GPHN: variants seen among roughly 807,000 people sequenced by gnomAD.
GPHN encodes the protein gephyrin.
GPHN carries 17 observed loss-of-function variants against 95.5 expected under a neutral mutation model. The observed-to-expected ratio is 0.18, with a 90% CI of 0.12 to 0.27. The LOEUF (loss-of-function observed/expected upper bound fraction) is 0.27. Among genes scored for constraint, GPHN ranks in the 10% least tolerant of loss-of-function variants. The probability of loss-of-function intolerance (pLI) is 1.00; values close to 1 mark genes in which losing one functional copy is unlikely to be tolerated. For synonymous variants in GPHN, 320 were observed against 322.5 expected, an observed-to-expected ratio of 0.99 and a Z score of 0.08; for missense variants, 660 against 978.1, an observed-to-expected ratio of 0.67 and a Z score of 4.34.
chr14:66,688,705 A>G (rs762083134), intron 2 of GPHN, among the ~76,000 whole-genome samples: 4 of 152,090 alleles, frequency 2.6e-5, no homozygotes, highest in Non-Finnish European at 5.9e-5. Context: ...CTCTTGCCTA[A>G]TTGTTATGAC....
At chr14:66,538,591 T>C (rs1444406580) in intron 1 of GPHN, among the ~76,000 whole-genome samples, 1 of 151,984 alleles carries the variant, frequency 6.6e-6, no homozygotes, top group Non-Finnish European at 1.5e-5. Flanking sequence ...CTCTAGGAAG[T>C]TTTATTATTT....
At chr14:66,587,860 A>T (rs957692529) in intron 1 of GPHN, among the ~76,000 whole-genome samples, 2 of 152,174 alleles carry the variant, frequency 1.3e-5, no homozygotes. Flanking sequence ...AGAGCAGCAG[A>T]TCCCCCAGCA....
intron 9 of GPHN, among the ~76,000 whole-genome samples, chr14:66,993,166 T>G (rs1307378212): frequency 6.6e-6 from 1 of 152,128 alleles, no homozygotes; most frequent in African/African-American, 2.4e-5. Flanking sequence ...GAAAGGTTGA[T>G]CTCCTCAAAT....
chr14:67,497,033 C>T, the GPHN span, among the ~76,000 whole-genome samples: 1 of 151,976 alleles, frequency 6.6e-6, no homozygotes, highest in Non-Finnish European at 1.5e-5. Context: ...CTCAGGTGAT[C>T]GGCCCGCCTC....
intron 2 of GPHN, among the ~76,000 whole-genome samples, chr14:66,740,561 C>A (rs2072714545): frequency 6.7e-6 from 1 of 149,152 alleles, no homozygotes; most frequent in South Asian, 2.1e-4. Context: ...AAAAAAAAGC[C>A]AGAAAGCTGC....
chr14:66,558,829 T>A (rs1165284951), intron 1 of GPHN, among the ~76,000 whole-genome samples: 1 of 152,022 alleles, frequency 6.6e-6, no homozygotes, highest in Non-Finnish European at 1.5e-5. Context: ...GCTGGTGTGC[T>A]GCACCCATTA....
chr14:66,694,222 C>T (rs984417139), intron 2 of GPHN, among the ~76,000 whole-genome samples: 3 of 152,080 alleles, frequency 2.0e-5, no homozygotes, highest in Non-Finnish European at 2.9e-5. Context: ...GAGACAGGCC[C>T]CTTTCCCCTA....
the GPHN span, among the ~76,000 whole-genome samples, chr14:67,563,777 A>C: frequency 7.4e-6 from 1 of 135,112 alleles, no homozygotes; most frequent in Non-Finnish European, 1.5e-5. Context: ...TCTGTCACCC[A>C]GGCTGAAGTG....
chr14:67,617,629 C>T, the GPHN span, among the ~76,000 whole-genome samples: 3 of 152,224 alleles, frequency 2.0e-5, no homozygotes, highest in Non-Finnish European at 4.4e-5. Context: ...TGGAAAACCA[C>T]TGAAAATGAC....
chr14:67,458,181 G>C, the GPHN span, among the ~76,000 whole-genome samples: 3 of 152,148 alleles, frequency 2.0e-5, no homozygotes, highest in African/African-American at 7.2e-5. Context: ...GTACTGAATG[G>C]GGGACCCATT....
chr14:67,693,126 T>C, the GPHN span: 1 of 944,766 alleles, frequency 1.1e-6, no homozygotes, highest in Non-Finnish European at 1.6e-6. Context: ...CAACTCCCTG[T>C]GTCTTCTGGC....
intron 4 of GPHN, among the ~76,000 whole-genome samples, chr14:66,871,324 T>G (rs544075932): frequency 6.6e-6 from 1 of 152,360 alleles, no homozygotes; most frequent in African/African-American, 2.4e-5. Context: ...AGTGTGCTAC[T>G]ATACTTTGGG....
At chr14:66,998,118 G>C (rs773609092) in intron 9 of GPHN, among the ~76,000 whole-genome samples, 8 of 152,148 alleles carry the variant, frequency 5.3e-5, no homozygotes, top group Non-Finnish European at 1.0e-4. Flanking sequence ...GGGCTCTCAC[G>C]TTGGAATGTG....
the GPHN span, among the ~76,000 whole-genome samples, chr14:67,593,048 A>C: frequency 4.6e-5 from 7 of 152,224 alleles, no homozygotes; most frequent in Non-Finnish European, 2.9e-5. Context: ...TGGCCTCCCA[A>C]AGTGCTGGGA....
intron 3 of GPHN, among the ~76,000 whole-genome samples, chr14:66,816,451 A>G (rs574882685): frequency 5.2e-4 from 79 of 152,244 alleles, no homozygotes; most frequent in Non-Finnish European, 7.4e-4. Context: ...ATAACAAACA[A>G]TCTCTAGGAC....
At chr14:67,656,258 A>C in the GPHN span, among the ~76,000 whole-genome samples, 1 of 152,008 alleles carries the variant, frequency 6.6e-6, no homozygotes, top group Non-Finnish European at 1.5e-5. Flanking sequence ...AAAAAAAAAA[A>C]AAATTAATAA....
At chr14:67,014,645 G>A (rs2073201118) in intron 9 of GPHN, among the ~76,000 whole-genome samples, 1 of 152,160 alleles carries the variant, frequency 6.6e-6, no homozygotes, top group Admixed American at 6.5e-5. Flanking sequence ...CTACTTTACT[G>A]TATGACCTAA....
At chr14:67,053,064 A>C (rs1433384160) in intron 10 of GPHN, among the ~76,000 whole-genome samples, 1 of 151,688 alleles carries the variant, frequency 6.6e-6, no homozygotes, top group South Asian at 2.1e-4. Flanking sequence ...AAAAGAAAAA[A>C]AAAAGGCCAA....
chr14:67,665,099 C>A, the GPHN span, among the ~76,000 whole-genome samples: 1 of 152,160 alleles, frequency 6.6e-6, no homozygotes. Context: ...GTGGTCCACC[C>A]ATCTCGGCCT....
Sources: allele counts gnomAD v4.1 joint callset (sites outside exome capture counted in the v4.1 genomes callset), GRCh38; gene constraint gnomAD v4.1.1; transcripts MANE v1.5; gene names NCBI Gene and HGNC (gene_info 2026-07-23, HGNC 2026-07-21).